The following PRDM1 variants were observed in gnomAD, a reference collection of about 807,000 sequenced individuals.
PRDM1 encodes the protein PR/SET domain 1.
A neutral mutation model predicts 62.8 loss-of-function variants in PRDM1; 13 were observed. The ratio of observed to expected loss-of-function variants is 0.21; its 90% CI spans 0.13 to 0.33. The LOEUF is 0.33. PRDM1 is among the 10% of genes least tolerant of loss of function. PRDM1 has a pLI of 1.00. For missense variants in PRDM1, 895 were observed against 1,058.8 expected, an observed-to-expected ratio of 0.85 and a Z score of 2.15; for synonymous variants, 396 against 417.6, an observed-to-expected ratio of 0.95 and a Z score of 0.63.
chr6:106,021,575 AG>A lies in PRDM1; in HGVS notation c.-67+27937del, dbSNP rs1265398778. On this transcript the variant is annotated intron_variant, in intron 1 of 6. Coordinates refer to the PRDM1 transcript ENST00000652320. The stretch of plus-strand genomic sequence containing the variant: ...ATGATGGCAATGCAGTTAATTGAGA[AG>A]CAAAATGGAACATTCACCTCCTCTT... Among the ~76,000 whole-genome samples, 3 of 152,368 alleles carry A rather than the reference AG, an allele frequency of 2.0e-5. No homozygotes were observed. In the East Asian group the frequency reaches 5.8e-4, roughly 29 times the overall value.
intron 1 of PRDM1, among the ~76,000 whole-genome samples, chr6:106,066,344 G>T (rs1453155308): frequency 6.6e-6 from 1 of 152,170 alleles, no homozygotes; most frequent in Admixed American, 6.5e-5. Context: ...GGGGTGAGCT[G>T]TGAGGAGGGC....
At chr6:106,051,617 G>A (rs1773175967) in intron 1 of PRDM1, among the ~76,000 whole-genome samples, 1 of 152,190 alleles carries the variant, frequency 6.6e-6, no homozygotes. Flanking sequence ...GATTGCTTAG[G>A]ATAGCTGGCA....
At chr6:105,998,913 ATATATATATATATATATATATTTTTTTTT>A (rs1484640853) in intron 1 of PRDM1, among the ~76,000 whole-genome samples, 1 of 13,856 alleles carries the variant, frequency 7.2e-5, no homozygotes, top group Non-Finnish European at 1.9e-4. Flanking sequence ...ATATATATAT[ATATATATATATATATATATATTTTTTTTT>A]TTTTTTTTCT....
rs753377656 is a variant in PRDM1 at position 106,107,221 on chromosome 6, A to G, written c.2213A>G (p.Asn738Ser). The G allele has an allele frequency of 1.2e-6, 2 of 1,614,212 alleles. No individual in the cohort carries two copies. Among genetic ancestry groups the G allele is most frequent in the Non-Finnish European group, 1.7e-6 (2 of 1,180,042 alleles). ...EEIEKFDISD[N>S]ADRLEDVEDD... Reference sequence around the variant, plus strand: ...ATCGAGAAGTTTGACATCAGTGACAATGCTGACCGGCTCGAGGACGTGGAG... The same window carrying G: ...ATCGAGAAGTTTGACATCAGTGACAGTGCTGACCGGCTCGAGGACGTGGAG... The change falls in exon 7 of 7, where the codon AAT becomes AGT. Residue 738 changes from asparagine to serine, a missense_variant. By Grantham distance (46) the Asn-to-Ser change is conservative (BLOSUM62 1). Around this residue, in one of 4 missense-constraint regions of PRDM1, gnomAD observed 164 missense variants for 179.9 expected, o/e 0.91. Coordinates refer to ENST00000369096, the MANE Select transcript of PRDM1 (RefSeq NM_001198.4).
At chr6:106,103,377 C>A (rs1438663654) in intron 4 of PRDM1, among the ~76,000 whole-genome samples, 2 of 152,112 alleles carry the variant, frequency 1.3e-5, no homozygotes, top group African/African-American at 4.8e-5. Context: ...CAACTAAATT[C>A]AAGCAGAGAC....
chr6:106,096,649 A>G (rs916714826), intron 3 of PRDM1, among the ~76,000 whole-genome samples: 1 of 152,226 alleles, frequency 6.6e-6, no homozygotes, highest in East Asian at 1.9e-4. Flanking sequence ...AAGCTTTCCT[A>G]TAGCATCCAA....
chr6:106,103,699 A>G (rs537868430), intron 4 of PRDM1, among the ~76,000 whole-genome samples: 1 of 152,180 alleles, frequency 6.6e-6, no homozygotes, highest in Non-Finnish European at 1.5e-5. Flanking sequence ...ATAGTCTAGA[A>G]CTGTCCTCAT....
In PRDM1 at chr6:106,017,429, T is replaced by C. The variant is rs527870310; in HGVS notation, c.-67+23790T>C. Among the ~76,000 whole-genome samples the C allele has an allele frequency of 6.6e-5, 10 of 152,336 alleles. No homozygotes were observed. The East Asian group carries it at 1.9e-3, about 29-fold the overall frequency. On this transcript the variant is annotated intron_variant, in intron 1 of 6. Coordinates refer to the PRDM1 transcript ENST00000652320. ...AACACAGGCTAATAGAAAACACTCT[T>C]GCTCTGTGTGTGTCTGAGTCTGGGT...
rs144474374 is a variant in PRDM1 at position 106,080,272 on chromosome 6, G to A, written c.-66-7929G>A. Among the ~76,000 whole-genome samples the A allele has an allele frequency of 1.3e-3, 191 of 152,138 alleles. 1 individual carries two copies. Among genetic ancestry groups the A allele is most frequent in the African/African-American group, 4.4e-3 (182 of 41,486 alleles). ...AGCAGTTGGATCCTAAGTGTGCCTCGTGCCACTTGTTGAGCCTAATGCAAA... is the reference window on the plus strand; with the variant it reads ...AGCAGTTGGATCCTAAGTGTGCCTCATGCCACTTGTTGAGCCTAATGCAAA... On this transcript the variant is annotated intron_variant, in intron 1 of 6. Coordinates refer to the PRDM1 transcript ENST00000651185.
chr6:106,055,275 C>T (rs1270168683), intron 1 of PRDM1, among the ~76,000 whole-genome samples: 3 of 152,058 alleles, frequency 2.0e-5, no homozygotes, highest in African/African-American at 4.8e-5. Context: ...TTGGCTTTTA[C>T]GGGAATTTTT....
intron 1 of PRDM1, among the ~76,000 whole-genome samples, chr6:106,071,029 C>T (rs79221547): frequency 6.6e-6 from 1 of 152,260 alleles, no homozygotes; most frequent in Admixed American, 6.5e-5. Flanking sequence ...GCAGCACTTT[C>T]GGAGGCCAAG....
chr6:105,996,828 T>C (rs1050847200), intron 1 of PRDM1, among the ~76,000 whole-genome samples: 15 of 152,234 alleles, frequency 9.9e-5, no homozygotes, highest in African/African-American at 3.4e-4. Context: ...GCTAGTAGAA[T>C]CCTATGTTTC....
At chr6:105,992,724 A>G (rs1772294458), upstream of PRDM1, among the ~76,000 whole-genome samples, 1 of 152,192 alleles carries the variant, frequency 6.6e-6, no homozygotes, top group Non-Finnish European at 1.5e-5. Flanking sequence ...CCTAAACGCC[A>G]TGTGGAAACA....
Position 106,107,162 on chromosome 6 carries a change from G to A in PRDM1, c.2154G>A (p.Leu718=), listed in dbSNP as rs199782858. 6.2e-7 allele frequency: 1 copy of A among 1,614,206 alleles called. No individual in the cohort carries two copies. Among genetic ancestry groups the A allele is most frequent in the Admixed American group, 1.7e-5 (1 of 60,026 alleles). ...GNCAAAPAPG[L]PLEDLTRINE... ...GCGCTGCGGCCCCGGCGCCTGGGCT[G>A]CCCTTGGAAGATCTGACCCGAATCA... The change falls in exon 7 of 7, where the codon CTG becomes CTA. Residue 718 remains leucine (L), a synonymous_variant. Coordinates refer to ENST00000369096, the MANE Select transcript of PRDM1 (RefSeq NM_001198.4).
chr6:106,056,175 C>T (rs1773262679), intron 1 of PRDM1, among the ~76,000 whole-genome samples: 2 of 152,090 alleles, frequency 1.3e-5, no homozygotes. Context: ...CTTCCCTTAC[C>T]CAGTCTTTGT....
chr6:106,017,246 G>A (rs1277711164), intron 1 of PRDM1, among the ~76,000 whole-genome samples: 1 of 152,138 alleles, frequency 6.6e-6, no homozygotes, highest in East Asian at 1.9e-4. Flanking sequence ...ATTGCTCAAT[G>A]GACAACTTGT....
At chr6:106,015,837 A>G (rs1043296885) in intron 1 of PRDM1, among the ~76,000 whole-genome samples, 20 of 151,982 alleles carry the variant, frequency 1.3e-4, no homozygotes, top group Admixed American at 1.2e-3. Context: ...AGTAAAATAT[A>G]CATGACAAAA....
Position 106,104,981 on chromosome 6 carries a change from T to C in PRDM1, c.821T>C (p.Leu274Pro), listed in dbSNP as rs1487793311. The change falls in exon 5 of 7, where the codon CTC (leucine) becomes CCC (proline). Residue 274 changes from leucine to proline, a missense_variant. By Grantham distance (98) the Leu-to-Pro change is moderately conservative (BLOSUM62 -3). Coordinates refer to ENST00000369096, the MANE Select transcript of PRDM1 (RefSeq NM_001198.4). ...KDLYRSNISP[L>P]TSEKDLDDFR... ...CTCTACCGTTCTAACATTTCACCCC[T>C]CACATCAGAAAAGGACCTCGATGAC... The C allele has an allele frequency of 6.2e-7, 1 of 1,613,980 alleles. No individual in the cohort carries two copies. The highest frequency in any genetic ancestry group is 8.5e-7 in the Non-Finnish European group (1 of 1,179,980).
At chr6:106,040,105 A>G (rs1393486383) in intron 1 of PRDM1, among the ~76,000 whole-genome samples, 1 of 152,254 alleles carries the variant, frequency 6.6e-6, no homozygotes, top group East Asian at 1.9e-4. Flanking sequence ...GAAATGATTA[A>G]GCAGCCAAAT....
Sources: allele counts gnomAD v4.1 joint callset (sites outside exome capture counted in the v4.1 genomes callset), GRCh38; gene constraint gnomAD v4.1.1; regional missense constraint gnomAD v4.1.1; transcripts MANE v1.5; gene names NCBI Gene and HGNC (gene_info 2026-07-23, HGNC 2026-07-21).